The following GRM7 variants were observed in gnomAD, a reference collection of about 807,000 sequenced individuals.
GRM7 encodes the protein metabotropic glutamate receptor 7.
In GRM7, 35 loss-of-function variants were observed where a neutral mutation model predicts 84.5. The observed-to-expected ratio is 0.41, with a 90% CI of 0.32 to 0.55. The LOEUF (loss-of-function observed/expected upper bound fraction) is 0.55, where lower values mean the gene tolerates loss of function less well. GRM7 is among the 20% of genes least tolerant of loss of function. The probability of loss-of-function intolerance (pLI) is 0.19; values close to 1 mark genes in which losing one functional copy is unlikely to be tolerated. For synonymous variants in GRM7, 487 were observed against 455.1 expected (o/e 1.07, Z -0.89); for missense variants, 1,003 against 1,194.6 (o/e 0.84, Z 2.36).
At chr3:7,306,383 C>T in intron 3 of GRM7, 115 bp from the exon 4 acceptor site, 1 of 815,580 alleles carries the variant, frequency 1.2e-6, no homozygotes, top group Non-Finnish European at 2.0e-6. Context: ...AAGTTTTTTG[C>T]AATTATTTAC....
chr3:7,115,946 C>T (rs1039608775), intron 1 of GRM7, among the ~76,000 whole-genome samples: 1 of 152,128 alleles, frequency 6.6e-6, no homozygotes, highest in Non-Finnish European at 1.5e-5. Flanking sequence ...CTTTTATAGA[C>T]ATTGCCTTTC....
chr3:7,406,088 T>G (rs888961559), intron 4 of GRM7, among the ~76,000 whole-genome samples: 2 of 152,160 alleles, frequency 1.3e-5, no homozygotes, highest in African/African-American at 4.8e-5. Context: ...TGTAGTCTGA[T>G]GGCTGCATAC....
rs372166716 is a variant in GRM7, at chr3:7,437,444, C to A, written c.1175-15163C>A. On this transcript the variant is annotated intron_variant, in intron 5 of 9. Transcript: ENST00000357716. Reference sequence around the variant, plus strand: ...CTCTGTGGGGAACAGATAATCCTCACTGCTACCGCTGCAGTCCAAGACATC... The same window carrying A: ...CTCTGTGGGGAACAGATAATCCTCAATGCTACCGCTGCAGTCCAAGACATC... Among the ~76,000 whole-genome samples the A allele has an allele frequency of 3.6e-4, 55 of 152,280 alleles. 1 individual carries two copies. The South Asian group carries it at 8.5e-3, about 23-fold the overall frequency.
At chr3:7,697,665 A>G (rs1701070390) in intron 9 of GRM7, among the ~76,000 whole-genome samples, 1 of 152,216 alleles carries the variant, frequency 6.6e-6, no homozygotes, top group African/African-American at 2.4e-5. Flanking sequence ...TCAAGCCAGA[A>G]TGGAAAATCA....
At chr3:7,506,230 A>G (rs142129129) in intron 7 of GRM7, among the ~76,000 whole-genome samples, 206 of 152,146 alleles carry the variant, frequency 1.4e-3, no homozygotes, top group African/African-American at 4.7e-3. Context: ...CCAGTTTCCA[A>G]CACCTCCTTT....
At chr3:7,241,615 A>G (rs1369263317) in intron 2 of GRM7, among the ~76,000 whole-genome samples, 1 of 152,102 alleles carries the variant, frequency 6.6e-6, no homozygotes, top group Admixed American at 6.6e-5. Flanking sequence ...CCTAAATGCC[A>G]GGCTACCTGC....
chr3:7,418,667 T>C (rs1043885827), intron 5 of GRM7, among the ~76,000 whole-genome samples: 3 of 152,116 alleles, frequency 2.0e-5, no homozygotes, highest in African/African-American at 7.2e-5. Flanking sequence ...ATGACCTCTT[T>C]GGGAATAATA....
chr3:7,318,502 G>C (rs989185251), intron 4 of GRM7, among the ~76,000 whole-genome samples: 2 of 152,018 alleles, frequency 1.3e-5, no homozygotes, highest in Non-Finnish European at 2.9e-5. Flanking sequence ...AATTGAAAGG[G>C]CCATTAAGTT....
At chr3:7,593,674 C>T (rs1442516813) in intron 8 of GRM7, among the ~76,000 whole-genome samples, 2 of 151,914 alleles carry the variant, frequency 1.3e-5, no homozygotes, top group African/African-American at 2.4e-5. Flanking sequence ...GAGAAACAGA[C>T]GCTGGAGTGT....
intron 1 of GRM7, among the ~76,000 whole-genome samples, chr3:6,971,902 T>C (rs1035516036): frequency 1.3e-5 from 2 of 152,212 alleles, no homozygotes; most frequent in Non-Finnish European, 2.9e-5. Flanking sequence ...GAAATAAATA[T>C]GACTTTTAAA....
chr3:7,209,717 A>ACT (rs1696357365), intron 2 of GRM7, among the ~76,000 whole-genome samples: 1 of 152,214 alleles, frequency 6.6e-6, no homozygotes, highest in African/African-American at 2.4e-5. Context: ...ACTGAAGAGA[A>ACT]GGCATACAAA....
intron 5 of GRM7, among the ~76,000 whole-genome samples, chr3:7,450,400 T>C (rs1697716551): frequency 6.6e-6 from 1 of 152,092 alleles, no homozygotes; most frequent in African/African-American, 2.4e-5. Context: ...CACATGAATT[T>C]ACCCTTTGAC....
At chr3:7,528,056 C>T (rs977205355) in intron 7 of GRM7, among the ~76,000 whole-genome samples, 1 of 151,884 alleles carries the variant, frequency 6.6e-6, no homozygotes, top group Non-Finnish European at 1.5e-5. Context: ...AGAGAGAAAT[C>T]CCTCCTCCTT....
In GRM7 at chr3:6,861,850, T is replaced by G; in HGVS notation, c.462T>G (p.Ile154Met). 1 of 1,614,062 alleles carries G rather than the reference T, an allele frequency of 6.2e-7. No homozygotes were observed. Among genetic ancestry groups the G allele is most frequent in the Non-Finnish European group, 8.5e-7 (1 of 1,180,002 alleles). Residue 154 changes from isoleucine (I) to methionine (M), a missense_variant, in exon 1 of 10, where the codon ATT becomes ATG. This residue lies in a region of GRM7 where 910 missense variants were observed against 1,126.0 expected (regional missense o/e 0.81). Transcript: ENST00000357716. The surrounding 1 kb of genome is among the most constrained non-coding windows in gnomAD (Gnocchi z 6.4). ...FVKPEKVVGV[I>M]GASGSSVSIM... Reference sequence around the variant, plus strand: ...AGCCGGAGAAAGTAGTTGGAGTGATTGGGGCTTCGGGGAGTTCGGTCTCCA... The same window carrying G: ...AGCCGGAGAAAGTAGTTGGAGTGATGGGGGCTTCGGGGAGTTCGGTCTCCA...
chr3:7,707,785 G>T (rs1411002104), intron 9 of GRM7, among the ~76,000 whole-genome samples: 1 of 152,018 alleles, frequency 6.6e-6, no homozygotes. Context: ...TTTAACTATG[G>T]CCTCTCTGGC....
chr3:7,438,684 C>T (rs1375373845), intron 5 of GRM7, among the ~76,000 whole-genome samples: 1 of 152,070 alleles, frequency 6.6e-6, no homozygotes, highest in African/African-American at 2.4e-5. Flanking sequence ...CAACACCAAA[C>T]CACCCTCCTG....
intron 1 of GRM7, among the ~76,000 whole-genome samples, chr3:6,879,007 C>T (rs1695414333): frequency 6.6e-6 from 1 of 152,162 alleles, no homozygotes; most frequent in Non-Finnish European, 1.5e-5. Flanking sequence ...GATGAGTTTA[C>T]AGAGACCCAT....
chr3:7,358,214 G>C (rs1693494583), intron 4 of GRM7, among the ~76,000 whole-genome samples: 3 of 152,078 alleles, frequency 2.0e-5, no homozygotes, highest in African/African-American at 7.2e-5. Context: ...AAGAATGAGA[G>C]ACCTTTATTT....
At chr3:7,252,060 A>G (rs1698011938) in intron 2 of GRM7, among the ~76,000 whole-genome samples, 1 of 152,136 alleles carries the variant, frequency 6.6e-6, no homozygotes. Flanking sequence ...TAAACAAAAA[A>G]TCCTCATGAA....
Sources: gnomAD v4.1 joint callset for allele counts (sites outside exome capture counted in the v4.1 genomes callset) on GRCh38, gnomAD v4.1.1 for gene constraint, gnomAD v4.1.1 regional missense constraint, Gnocchi (gnomAD v3.1) non-coding constraint, MANE v1.5 for transcripts, NCBI Gene and HGNC (gene_info 2026-07-23, HGNC 2026-07-21) for gene names.